Variants in ATP6V1B2 observed in about 807,000 individuals in gnomAD.
ATP6V1B2 encodes V-type proton ATPase subunit B, brain isoform.
Under a neutral mutation model 66.7 loss-of-function variants are expected in ATP6V1B2, and 23 were observed. That is an observed-to-expected ratio of 0.34 (90% CI 0.25 to 0.49). The LOEUF (loss-of-function observed/expected upper bound fraction) is 0.49, where lower values mean the gene tolerates loss of function less well. ATP6V1B2 is among the 20% of genes least tolerant of loss of function. The pLI is 0.99. For missense variants in ATP6V1B2, 478 were observed against 650.8 expected, an observed-to-expected ratio of 0.73 and a Z score of 2.89; for synonymous variants, 278 against 236.7, an observed-to-expected ratio of 1.17 and a Z score of -1.60.
At chr8:20,215,899 A>AC (rs1254577288) in intron 10 of ATP6V1B2, 4 of 152,608 alleles carry the variant, frequency 2.6e-5, no homozygotes, top group African/African-American at 9.6e-5. Flanking sequence ...TATCCATCCG[A>AC]CATAGCTTAT....
rs73614563 is a variant in ATP6V1B2 at position 20,200,155 on chromosome 8, A to C, written c.136+2613A>C. ...GTATCTGGGACTACAGACGGACACC[A>C]CTACGTCCAGCTAATTTTTTTTAAT... On this transcript the variant is annotated intron_variant, in intron 1 of 13. Coordinates refer to ENST00000276390, the MANE Select transcript of ATP6V1B2 (RefSeq NM_001693.4). 8.9e-3 allele frequency among the ~76,000 whole-genome samples: 1,351 copies of C among 151,836 alleles called. 35 individuals carry two copies. Among genetic ancestry groups the C allele is most frequent in the African/African-American group, 0.031 (1,302 of 41,346 alleles).
At position 20,197,434 on chromosome 8, in the gene ATP6V1B2, G is replaced by A. The variant is rs2072638918; in HGVS notation, c.28G>A (p.Val10Ile). 1.3e-6 allele frequency: 2 copies of A among 1,546,670 alleles called. No individual in the cohort carries two copies. Among genetic ancestry groups the A allele is most frequent in the Admixed American group, 3.9e-5 (2 of 51,764 alleles). MALRAMRGI[V>I]NGAAPELPVP... ...GGCGCTGCGGGCGATGCGGGGGATT[G>A]TCAACGGGGCCGCACCCGAGCTACC... Residue 10 changes from valine (V) to isoleucine (I), a missense_variant, in exon 1 of 14, where the codon GTC becomes ATC. By Grantham distance (29) the Val-to-Ile change is conservative (BLOSUM62 3). Coordinates refer to ENST00000276390, the MANE Select transcript of ATP6V1B2 (RefSeq NM_001693.4).
At position 20,220,943 on chromosome 8, in the gene ATP6V1B2, A is replaced by C. The variant is rs1050224402; in HGVS notation, c.*541A>C. The C allele has an allele frequency of 3.9e-5, 6 of 152,202 alleles. 1 individual carries two copies. The highest frequency in any genetic ancestry group is 1.4e-4 in the African/African-American group (6 of 41,436). The allele number at this position is 152,202 out of a possible 1,614,324, so 9.4% of individuals were successfully genotyped here. ...ACTGTCTTTTTGCTCTTTCCTATAT[A>C]ATGAATAGATGAGTGAAAGGAGTTT... On this transcript the variant is annotated 3_prime_UTR_variant, in exon 14 of 14. Transcript: ENST00000276390.
intron 1 of ATP6V1B2, among the ~76,000 whole-genome samples, chr8:20,198,671 G>C (rs1249306133): frequency 6.6e-6 from 1 of 152,146 alleles, no homozygotes; most frequent in Non-Finnish European, 1.5e-5. Context: ...TGATTAAAAA[G>C]GATTTCAGAT....
intron 9 of ATP6V1B2, 165 bp downstream of exon 9, chr8:20,213,070 C>G: frequency 1.1e-6 from 1 of 913,346 alleles, no homozygotes; most frequent in Non-Finnish European, 1.6e-6. Context: ...TTTTTGTCAA[C>G]TTGGTAGAAG....
chr8:20,220,033 A>G (rs1475731952), intron 13 of ATP6V1B2, among the ~76,000 whole-genome samples: 4 of 152,080 alleles, frequency 2.6e-5, no homozygotes, highest in Non-Finnish European at 5.9e-5. Context: ...CTCTCCCGCA[A>G]GACTGCTCCC....
chr8:20,206,831 T>G lies in ATP6V1B2; in HGVS notation c.192+2292T>G, dbSNP rs569963518. Among the ~76,000 whole-genome samples the G allele has an allele frequency of 5.3e-5, 8 of 152,270 alleles. No individual in the cohort carries two copies. The South Asian group carries it at 1.7e-3, about 32-fold the overall frequency. Reference sequence around the variant, plus strand: ...GAAGTCAGGGGATGGGGCTGAAATTTCCAATCCTCACTCAGCATCACTATC... The same window carrying G: ...GAAGTCAGGGGATGGGGCTGAAATTGCCAATCCTCACTCAGCATCACTATC... On this transcript the variant is annotated intron_variant, in intron 2 of 13. Transcript: ENST00000276390.
At chr8:20,197,592 C>G (rs941151112) in intron 1 of ATP6V1B2, 50 bp downstream of exon 1, 2 of 1,320,678 alleles carry the variant, frequency 1.5e-6, no homozygotes, top group Non-Finnish European at 2.0e-6. Context: ...CTAGCCTAGC[C>G]CTTTGCTCCC....
At position 20,197,557 on chromosome 8, in the gene ATP6V1B2, G is replaced by A. The variant is rs1461137321; in HGVS notation, c.136+15G>A. The A allele has an allele frequency of 5.9e-6, 8 of 1,359,170 alleles. No homozygotes were observed. In the Admixed American group the frequency reaches 9.1e-5, roughly 16 times the overall value. 84.2% of individuals were successfully genotyped at this position (1,359,170 alleles called of 1,614,324 possible). On this transcript the variant is annotated intron_variant, in intron 1 of 13. Transcript: ENST00000276390. The stretch of plus-strand genomic sequence containing the variant: ...GCCTCGCCTCAGTGAGTATCAGAGA[G>A]TAATACGTCTCCGGTCTTTGCTCCC...
chr8:20,199,830 C>T (rs371968072), intron 1 of ATP6V1B2, among the ~76,000 whole-genome samples: 1 of 151,908 alleles, frequency 6.6e-6, no homozygotes, highest in East Asian at 1.9e-4. Context: ...AGGCTGGTGG[C>T]GAACTCCTGA....
intron 1 of ATP6V1B2, 63 bp downstream of exon 1, chr8:20,197,605 T>G: frequency 7.6e-7 from 1 of 1,308,912 alleles, no homozygotes; most frequent in Non-Finnish European, 9.8e-7. Flanking sequence ...TTGCTCCCAG[T>G]CACCTGCTTA....
At chr8:20,210,762 C>T (rs1428887810) in intron 5 of ATP6V1B2, 116 bp downstream of exon 5, 10 of 569,400 alleles carry the variant, frequency 1.8e-5, no homozygotes, top group Non-Finnish European at 2.7e-5. Flanking sequence ...AGGCAACACG[C>T]TCCATAGGTT....
At chr8:20,218,117 C>CT in intron 12 of ATP6V1B2, 36 bp from the exon 13 acceptor site, 1 of 1,602,730 alleles carries the variant, frequency 6.2e-7, no homozygotes, top group Non-Finnish European at 8.5e-7. Context: ...ATTTTGAGAG[C>CT]TTCTCTCTGC....
intron 1 of ATP6V1B2, among the ~76,000 whole-genome samples, chr8:20,198,161 A>G (rs1050641900): frequency 7.9e-5 from 12 of 152,188 alleles, no homozygotes; most frequent in African/African-American, 2.9e-4. Flanking sequence ...GTCCAACCCT[A>G]TCATTTTACA....
chr8:20,211,769 G>A lies in ATP6V1B2; in HGVS notation c.705+16G>A. Reference sequence around the variant, plus strand: ...TGCTATGGGTGTAAGTAGAATTTTTGTTTTAGTATGATATGTAAAATTTTG... The same window carrying A: ...TGCTATGGGTGTAAGTAGAATTTTTATTTTAGTATGATATGTAAAATTTTG... On this transcript the variant is annotated intron_variant, in intron 7 of 13. Transcript: ENST00000276390. 2.0e-6 allele frequency: 3 copies of A among 1,514,292 alleles called. No homozygotes were observed. The highest frequency in any genetic ancestry group is 1.8e-6 in the Non-Finnish European group (2 of 1,106,460). The allele number at this position is 1,514,292 out of a possible 1,614,324, so 93.8% of individuals were successfully genotyped here. A position where few individuals can be genotyped will look rare whatever the true frequency, so the allele number is the denominator to read the frequency against.
chr8:20,200,635 TAAAAG>T (rs1244580908), intron 1 of ATP6V1B2, among the ~76,000 whole-genome samples: 12 of 152,348 alleles, frequency 7.9e-5, no homozygotes, highest in South Asian at 4.1e-4. Flanking sequence ...GATTTTCTCT[TAAAAG>T]AAAAGATTCA....
chr8:20,216,168 T>A (rs943653928), intron 10 of ATP6V1B2: 3 of 309,826 alleles, frequency 9.7e-6, no homozygotes, highest in Non-Finnish European at 1.8e-5. Flanking sequence ...TGAAATTAAG[T>A]TTTTCAGTTT....
intron 9 of ATP6V1B2, chr8:20,213,119 C>T (rs2072812178): frequency 7.6e-6 from 4 of 526,082 alleles, no homozygotes; most frequent in Non-Finnish European, 1.3e-5. Flanking sequence ...GCCTGTTTAT[C>T]ATACTGTCAC....
chr8:20,204,179 C>T (rs1436101075), intron 1 of ATP6V1B2: 9 of 394,244 alleles, frequency 2.3e-5, no homozygotes, highest in East Asian at 5.8e-5. Context: ...TCCACCCCCT[C>T]GCATAAGACT....
Sources: gnomAD v4.1 joint callset for allele counts (sites outside exome capture counted in the v4.1 genomes callset) on GRCh38, gnomAD v4.1.1 for gene constraint, MANE v1.5 for transcripts, NCBI Gene and HGNC (gene_info 2026-07-23, HGNC 2026-07-21) for gene names.